LRRC28: variants seen among roughly 807,000 people sequenced by gnomAD.
LRRC28 encodes leucine-rich repeat-containing protein 28.
A neutral mutation model predicts 45.7 loss-of-function variants in LRRC28; 39 were observed. The ratio of observed to expected loss-of-function variants is 0.85; its 90% confidence interval spans 0.66 to 1.12. The LOEUF (loss-of-function observed/expected upper bound fraction) is 1.12, where lower values mean the gene tolerates loss of function less well. LRRC28 is among the 50% of genes most tolerant of loss of function. The probability of loss-of-function intolerance (pLI) is 0.00; values close to 1 mark genes in which losing one functional copy is unlikely to be tolerated. For missense variants in LRRC28, 435 were observed against 438.5 expected, an observed-to-expected ratio of 0.99 and a Z score of 0.07; for synonymous variants, 206 against 178.8, an observed-to-expected ratio of 1.15 and a Z score of -1.22.
intron 5 of LRRC28, among the ~76,000 whole-genome samples, chr15:99,299,546 T>C (rs1011528635): frequency 6.6e-6 from 1 of 152,246 alleles, no homozygotes; most frequent in African/African-American, 2.4e-5. Flanking sequence ...GTTGCTTTAC[T>C]TCATCTGTGA....
At chr15:99,282,722 C>T (rs894851572) in intron 3 of LRRC28, among the ~76,000 whole-genome samples, 2 of 152,124 alleles carry the variant, frequency 1.3e-5, no homozygotes, top group African/African-American at 2.4e-5. Context: ...ATGATGTTTG[C>T]ATAACAAGGA....
rs1365327802 is a variant in LRRC28, at chr15:99,287,813, G to A, written c.248-1G>A. The stretch of plus-strand genomic sequence containing the variant: ...TTTGCCTTCTCCTTTTCTCTTTGAA[G>A]CCATTGGGTCTCTTGTAAAACTCCA... On this transcript the variant is annotated splice_acceptor_variant, in intron 4 of 9. Transcript: ENST00000301981. LOFTEE classifies it high-confidence loss of function. 5 of 1,598,258 alleles carry A rather than the reference G, an allele frequency of 3.1e-6. No individual in the cohort carries two copies. The highest frequency in any genetic ancestry group is 4.3e-6 in the Non-Finnish European group (5 of 1,171,908).
At chr15:99,372,220 T>C (rs906380448) in intron 9 of LRRC28, among the ~76,000 whole-genome samples, 1 of 152,244 alleles carries the variant, frequency 6.6e-6, no homozygotes, top group Non-Finnish European at 1.5e-5. Flanking sequence ...GGCTCCAATA[T>C]GTGCCAACAG....
chr15:99,340,551 A>G (rs2152302906), intron 6 of LRRC28, among the ~76,000 whole-genome samples: 1 of 152,370 alleles, frequency 6.6e-6, no homozygotes, highest in East Asian at 1.9e-4. Context: ...AGATGAGTGT[A>G]AACTGTACTG....
At chr15:99,304,254 G>T (rs1955096300) in intron 5 of LRRC28, among the ~76,000 whole-genome samples, 1 of 152,166 alleles carries the variant, frequency 6.6e-6, no homozygotes, top group Non-Finnish European at 1.5e-5. Flanking sequence ...CAGCAAGGTT[G>T]TCAACTTTTG....
chr15:99,254,151 A>G (rs556537144), intron 1 of LRRC28, among the ~76,000 whole-genome samples: 37 of 152,344 alleles, frequency 2.4e-4, no homozygotes, highest in South Asian at 1.2e-3. Context: ...TTTGTAGTCT[A>G]CTTCCCTTTG....
At chr15:99,308,179 C>G (rs1402032127) in intron 5 of LRRC28, among the ~76,000 whole-genome samples, 1 of 151,998 alleles carries the variant, frequency 6.6e-6, no homozygotes, top group Non-Finnish European at 1.5e-5. Flanking sequence ...AGGTTTTATC[C>G]CTGGTTATAA....
chr15:99,316,685 A>G (rs1187693344), intron 5 of LRRC28, among the ~76,000 whole-genome samples: 3 of 150,270 alleles, frequency 2.0e-5, no homozygotes, highest in Non-Finnish European at 4.4e-5. Flanking sequence ...GCAAAGAGAG[A>G]TTTGAGGTAG....
At chr15:99,368,593 CAT>C (rs1957401412) in intron 9 of LRRC28, among the ~76,000 whole-genome samples, 1 of 152,174 alleles carries the variant, frequency 6.6e-6, no homozygotes, top group Non-Finnish European at 1.5e-5. Flanking sequence ...TTAAGTATAA[CAT>C]ATGTTTGCAT....
At chr15:99,297,663 TATAC>T (rs2082300591) in intron 5 of LRRC28, among the ~76,000 whole-genome samples, 1 of 151,110 alleles carries the variant, frequency 6.6e-6, no homozygotes, top group Non-Finnish European at 1.5e-5. Context: ...TATAATTAAA[TATAC>T]ATATATTAAT....
rs980271136 is a variant in LRRC28, at chr15:99,257,865, C to T, written c.168+1740C>T. The T allele has an allele frequency of 8.1e-5, 63 of 777,074 alleles. No homozygotes were observed. In the East Asian group the frequency reaches 1.5e-3, roughly 18 times the overall value. The allele number at this position is 777,074 out of a possible 1,614,324, so 48.1% of individuals were successfully genotyped here. ...AGAGAAGTTGGAAAAGTTTGCCTTC[C>T]AAGCTGAAGTTAACAGAATGATGAA... On this transcript the variant is annotated intron_variant, in intron 2 of 9. Transcript: ENST00000301981.
chr15:99,323,669 A>G (rs1467505837), intron 5 of LRRC28, among the ~76,000 whole-genome samples: 1 of 152,242 alleles, frequency 6.6e-6, no homozygotes, highest in Non-Finnish European at 1.5e-5. Context: ...TATTTTGATA[A>G]TAAAAAACTT....
At chr15:99,290,058 G>C (rs1027298656) in intron 5 of LRRC28, among the ~76,000 whole-genome samples, 2 of 150,666 alleles carry the variant, frequency 1.3e-5, no homozygotes, top group African/African-American at 4.9e-5. Context: ...AGGAGTTCGA[G>C]ACCAGCCTGG....
At chr15:99,366,398 A>G (rs1364134734) in intron 9 of LRRC28, among the ~76,000 whole-genome samples, 1 of 152,160 alleles carries the variant, frequency 6.6e-6, no homozygotes, top group South Asian at 2.1e-4. Context: ...ATCTTACCTA[A>G]CTATTATATA....
chr15:99,327,081 T>A (rs77316210), intron 5 of LRRC28, among the ~76,000 whole-genome samples: 1 of 152,200 alleles, frequency 6.6e-6, no homozygotes, highest in African/African-American at 2.4e-5. Flanking sequence ...TGTTTTTTTT[T>A]AATTTTTTTT....
At chr15:99,339,252 G>T (rs1956425722) in intron 6 of LRRC28, among the ~76,000 whole-genome samples, 1 of 152,136 alleles carries the variant, frequency 6.6e-6, no homozygotes, top group South Asian at 2.1e-4. Context: ...ATTCAATGTT[G>T]AATAATAGAT....
In LRRC28 at chr15:99,337,625, T is replaced by C. The variant is rs183760756; in HGVS notation, c.592+3496T>C. On this transcript the variant is annotated intron_variant, in intron 6 of 9. Coordinates refer to ENST00000301981, the MANE Select transcript of LRRC28 (RefSeq NM_144598.5). Reference sequence around the variant, plus strand: ...CCTTGCCTCTGTGTCAGGAGCAACTTTCCTTTGTGAATTTGTGAATGTGGT... The same window carrying C: ...CCTTGCCTCTGTGTCAGGAGCAACTCTCCTTTGTGAATTTGTGAATGTGGT... 2.0e-5 allele frequency among the ~76,000 whole-genome samples: 3 copies of C among 152,310 alleles called. No homozygotes were observed. In the East Asian group the frequency reaches 5.8e-4, roughly 29 times the overall value.
In LRRC28 at chr15:99,343,747, G is replaced by A. The variant is rs1024797000; in HGVS notation, c.593-8622G>A. 6.6e-5 allele frequency among the ~76,000 whole-genome samples: 10 copies of A among 152,200 alleles called. No homozygotes were observed. In the South Asian group the frequency reaches 1.0e-3, roughly 16 times the overall value. On this transcript the variant is annotated intron_variant, in intron 6 of 9. Coordinates refer to ENST00000301981, the MANE Select transcript of LRRC28 (RefSeq NM_144598.5). ...AGTAATTAAAGGAAGAAAACAAACC[G>A]CCCCAGTGGTTAGTACACGAGTGAT...
rs2081427682 is a variant in LRRC28, at chr15:99,269,842, A to C, written c.169-6734A>C. Among the ~76,000 whole-genome samples, 3 of 152,180 alleles carry C rather than the reference A, an allele frequency of 2.0e-5. No individual in the cohort carries two copies. In the East Asian group the frequency reaches 5.8e-4, roughly 29 times the overall value. ...AGATAATGTTTCCATCATGGCAGAG[A>C]GAGAAACAAAGGAAAATGAGTAATT... is the stretch of plus-strand genomic sequence containing the variant. On this transcript the variant is annotated intron_variant, in intron 2 of 9. Coordinates refer to ENST00000301981, the MANE Select transcript of LRRC28 (RefSeq NM_144598.5).
Sources: gnomAD v4.1 joint callset for allele counts (sites outside exome capture counted in the v4.1 genomes callset) on GRCh38, gnomAD v4.1.1 for gene constraint, MANE v1.5 for transcripts, NCBI Gene and HGNC (gene_info 2026-07-23, HGNC 2026-07-21) for gene names.